Variants in CCDC85A observed in about 807,000 individuals in gnomAD.
The protein encoded by CCDC85A is coiled-coil domain-containing protein 85A.
CCDC85A carries 38 observed loss-of-function variants against 50.2 expected under a neutral mutation model. That is an observed-to-expected ratio of 0.76 (90% CI 0.58 to 0.99). The LOEUF is 0.99. Among genes scored for constraint, CCDC85A ranks in the 50% least tolerant of loss-of-function variants. CCDC85A has a pLI of 0.00. For synonymous variants in CCDC85A, 366 were observed against 301.4 expected, an observed-to-expected ratio of 1.21 and a Z score of -2.22; for missense variants, 820 against 742.0, an observed-to-expected ratio of 1.11 and a Z score of -1.22.
intron 2 of CCDC85A, among the ~76,000 whole-genome samples, chr2:56,221,025 AC>A (rs1156975715): frequency 1.3e-5 from 2 of 151,946 alleles, no homozygotes; most frequent in African/African-American, 2.4e-5. Flanking sequence ...TTTTTTTGAA[AC>A]AAATTCCAAT....
chr2:56,234,782 G>T (rs1168233229), intron 2 of CCDC85A, among the ~76,000 whole-genome samples: 2 of 152,002 alleles, frequency 1.3e-5, no homozygotes, highest in African/African-American at 4.8e-5. Context: ...TTACCTGAGT[G>T]TTTACACATT....
chr2:56,302,683 G>T (rs1042901870), intron 2 of CCDC85A, among the ~76,000 whole-genome samples: 11 of 152,140 alleles, frequency 7.2e-5, no homozygotes, highest in Non-Finnish European at 1.5e-4. Flanking sequence ...CTTTATCTTA[G>T]TCTCATGTTG....
chr2:56,187,621 T>C (rs1572996195), intron 1 of CCDC85A, among the ~76,000 whole-genome samples: 1 of 152,356 alleles, frequency 6.6e-6, no homozygotes, highest in East Asian at 1.9e-4. Flanking sequence ...GGATGAAATA[T>C]ACCATAGATG....
chr2:56,314,738 G>A (rs963751720), intron 2 of CCDC85A, among the ~76,000 whole-genome samples: 3 of 152,138 alleles, frequency 2.0e-5, no homozygotes, highest in Admixed American at 1.3e-4. Flanking sequence ...GCATACCCAT[G>A]CATTTATGAG....
At chr2:56,237,059 C>G (rs558698499) in intron 2 of CCDC85A, among the ~76,000 whole-genome samples, 1 of 151,972 alleles carries the variant, frequency 6.6e-6, no homozygotes, top group Non-Finnish European at 1.5e-5. Context: ...TGATTTGATG[C>G]GAAAGGGCAT....
chr2:56,347,779 GAAATTTGATTTTTAGCCC>G (rs1674701969), intron 3 of CCDC85A, among the ~76,000 whole-genome samples: 1 of 152,142 alleles, frequency 6.6e-6, no homozygotes. Context: ...TTTTAAAATT[GAAATTTGATTTTTAGCCC>G]AAATTCAAAA....
At chr2:56,239,205 T>TGCACAGTCA (rs1221964064) in intron 2 of CCDC85A, among the ~76,000 whole-genome samples, 1 of 152,094 alleles carries the variant, frequency 6.6e-6, no homozygotes, top group African/African-American at 2.4e-5. Flanking sequence ...CTGCAGAGTT[T>TGCACAGTCA]GCACAGTCAG....
intron 2 of CCDC85A, among the ~76,000 whole-genome samples, chr2:56,272,729 T>C (rs1387007426): frequency 6.6e-6 from 1 of 152,148 alleles, no homozygotes; most frequent in Non-Finnish European, 1.5e-5. Context: ...TAAAAAGTTT[T>C]CCAAATCCTT....
intron 2 of CCDC85A, among the ~76,000 whole-genome samples, chr2:56,327,450 C>T (rs1673532783): frequency 6.6e-6 from 1 of 151,960 alleles, no homozygotes; most frequent in African/African-American, 2.4e-5. Context: ...CTTAAAATGC[C>T]CCAATAAAAT....
intron 3 of CCDC85A, among the ~76,000 whole-genome samples, chr2:56,364,844 T>C (rs1363355971): frequency 6.6e-6 from 1 of 150,520 alleles, no homozygotes. Flanking sequence ...AGGCAATAAG[T>C]AATACTTTTT....
In CCDC85A at chr2:56,314,519, C is replaced by T. The variant is rs573220117; in HGVS notation, c.1241-28360C>T. Among the ~76,000 whole-genome samples, 127 of 152,182 alleles carry T rather than the reference C, an allele frequency of 8.3e-4. 1 individual carries two copies. In the South Asian group the frequency reaches 0.012, roughly 15 times the overall value. Reference sequence around the variant, plus strand: ...GAAGTGCTGCATAGTGTATGTTCCCCCATCATTGCCAAGATTTATAATGCT... The same window carrying T: ...GAAGTGCTGCATAGTGTATGTTCCCTCATCATTGCCAAGATTTATAATGCT... On this transcript the variant is annotated intron_variant, in intron 2 of 5. Coordinates refer to ENST00000407595, the MANE Select transcript of CCDC85A (RefSeq NM_001080433.2).
chr2:56,326,201 C>T lies in CCDC85A; in HGVS notation c.1241-16678C>T, dbSNP rs557014198. On this transcript the variant is annotated intron_variant, in intron 2 of 5. Transcript: ENST00000407595. ...GGTTAAGTCCAGAAATTGCAGCCTA[C>T]GTGACTTTGAGGAATTACTTAACAT... Among the ~76,000 whole-genome samples, 446 of 152,140 alleles carry T rather than the reference C, an allele frequency of 2.9e-3. 1 individual carries two copies. The highest frequency in any genetic ancestry group is 4.0e-3 in the Admixed American group (61 of 15,248).
intron 2 of CCDC85A, among the ~76,000 whole-genome samples, chr2:56,314,624 A>G (rs1420969627): frequency 6.6e-6 from 1 of 150,562 alleles, no homozygotes; most frequent in Non-Finnish European, 1.5e-5. Context: ...ACCATGGAAT[A>G]TTTCTTCCCC....
chr2:56,292,167 C>T (rs779536907), intron 2 of CCDC85A, among the ~76,000 whole-genome samples: 8 of 152,162 alleles, frequency 5.3e-5, no homozygotes, highest in Non-Finnish European at 8.8e-5. Context: ...ACTGTAAGCT[C>T]CACCTCCTGG....
chr2:56,379,331 A>G (rs1676478213), intron 5 of CCDC85A, among the ~76,000 whole-genome samples: 1 of 152,104 alleles, frequency 6.6e-6, no homozygotes, highest in Non-Finnish European at 1.5e-5. Context: ...TTTTTTAGTC[A>G]TCTTTTATGC....
intron 2 of CCDC85A, among the ~76,000 whole-genome samples, chr2:56,235,641 A>G (rs1668975925): frequency 6.6e-6 from 1 of 152,208 alleles, no homozygotes; most frequent in Non-Finnish European, 1.5e-5. Flanking sequence ...CAGTGTCATA[A>G]TATTCAGTCT....
intron 2 of CCDC85A, among the ~76,000 whole-genome samples, chr2:56,269,773 G>C (rs770041884): frequency 1.1e-4 from 16 of 152,030 alleles, no homozygotes; most frequent in Non-Finnish European, 1.8e-4. Context: ...GTGAGCATTT[G>C]CAAATATTAG....
intron 3 of CCDC85A, among the ~76,000 whole-genome samples, chr2:56,359,299 G>C (rs1675407664): frequency 6.6e-6 from 1 of 152,178 alleles, no homozygotes; most frequent in South Asian, 2.1e-4. Context: ...GCTTTAGGCT[G>C]AGAACTTTTT....
chr2:56,364,746 A>G (rs1485945058), intron 3 of CCDC85A, among the ~76,000 whole-genome samples: 1 of 152,220 alleles, frequency 6.6e-6, no homozygotes, highest in African/African-American at 2.4e-5. Context: ...CTCACTGCCT[A>G]CATTCAAATA....
Sources: allele counts gnomAD v4.1 joint callset (sites outside exome capture counted in the v4.1 genomes callset), GRCh38; gene constraint gnomAD v4.1.1; transcripts MANE v1.5; gene names NCBI Gene and HGNC (gene_info 2026-07-23, HGNC 2026-07-21).